The following KIF1B variants were observed in gnomAD, a reference collection of about 807,000 sequenced individuals.
KIF1B encodes the protein kinesin family member 1B.
KIF1B carries 76 observed loss-of-function variants against 241.9 expected under a neutral mutation model. The observed-to-expected ratio is 0.31, with a 90% CI of 0.26 to 0.38. The LOEUF is 0.38. Among genes scored for constraint, KIF1B ranks in the 10% least tolerant of loss-of-function variants. The probability of loss-of-function intolerance (pLI) is 1.00; values close to 1 mark genes in which losing one functional copy is unlikely to be tolerated. For synonymous variants in KIF1B, 750 were observed against 796.7 expected (o/e 0.94, Z 0.99); for missense variants, 1,622 against 2,271.4 (o/e 0.71, Z 5.81).
intron 22 of KIF1B, chr1:10,305,463 A>G: frequency 9.4e-7 from 1 of 1,059,620 alleles, no homozygotes; most frequent in Non-Finnish European, 1.1e-6. Context: ...CAGAAATACC[A>G]ACAAAAAACT....
intron 27 of KIF1B, among the ~76,000 whole-genome samples, chr1:10,330,675 A>C (rs989236077): frequency 3.3e-5 from 5 of 152,188 alleles, no homozygotes; most frequent in Admixed American, 3.3e-4. Context: ...CTTCTACTTA[A>C]AGATAAGAGG....
chr1:10,300,899 G>A (rs1210245793), intron 22 of KIF1B, among the ~76,000 whole-genome samples: 1 of 152,192 alleles, frequency 6.6e-6, no homozygotes, highest in Admixed American at 6.5e-5. Context: ...ATAGGTGGGA[G>A]TTATAAATGG....
rs1197079538 is a variant in KIF1B, at chr1:10,268,198, G to T, written c.655G>T (p.Ala219Ser). 2 of 1,613,988 alleles carry T rather than the reference G, an allele frequency of 1.2e-6. No individual in the cohort carries two copies. Among genetic ancestry groups the T allele is most frequent in the Non-Finnish European group, 8.5e-7 (1 of 1,179,928 alleles). The change falls in exon 7 of 49, where the codon GCT becomes TCT. Residue 219 changes from alanine (A) to serine (S), a missense_variant. By Grantham distance (99) the Ala-to-Ser change is moderately conservative. Transcript: ENST00000676179. ...NMNETSSRSH[A>S]VFTIVFTQKK... ...GAATGAAACAAGTAGCCGTTCCCACGCTGTGTTTACGATTGTTTTCACCCA... is the reference window on the plus strand; with the variant it reads ...GAATGAAACAAGTAGCCGTTCCCACTCTGTGTTTACGATTGTTTTCACCCA...
intron 7 of KIF1B, among the ~76,000 whole-genome samples, chr1:10,270,925 CA>C (rs34851583): frequency 0.16 from 14,552 of 91,070 alleles, 783 homozygotes; most frequent in South Asian, 0.24. Context: ...GACTCTGTCT[CA>C]AAAAAAAAAA....
chr1:10,240,396 T>C (rs868599716), intron 2 of KIF1B, among the ~76,000 whole-genome samples: 2 of 151,976 alleles, frequency 1.3e-5, no homozygotes, highest in African/African-American at 4.8e-5. Flanking sequence ...TTAGTAGAGG[T>C]GGGGTTTCAC....
chr1:10,360,843 C>A, intron 38 of KIF1B, 86 bp from the exon 39 acceptor site: 2 of 893,112 alleles, frequency 2.2e-6, no homozygotes, highest in Non-Finnish European at 3.8e-6. Context: ...GCGTATGGTT[C>A]TTTAGGATGA....
chr1:10,348,779 AT>A (rs35253111), intron 37 of KIF1B, 46 bp downstream of exon 37: 178,370 of 1,094,978 alleles, frequency 0.16, 12 homozygotes, highest in East Asian at 0.27. Context: ...ACTTACAGAG[AT>A]TTTTTTTTTT....
At chr1:10,352,527 C>A in intron 37 of KIF1B, 104 bp from the exon 38 acceptor site, 1 of 979,118 alleles carries the variant, frequency 1.0e-6, no homozygotes, top group Admixed American at 1.9e-5. Context: ...ACCCTTCCAG[C>A]TCCTGAACTT....
At chr1:10,276,902 G>A (rs1278580738) in intron 12 of KIF1B, among the ~76,000 whole-genome samples, 1 of 152,070 alleles carries the variant, frequency 6.6e-6, no homozygotes, top group Non-Finnish European at 1.5e-5. Flanking sequence ...CCAACATGAT[G>A]AAACCCCATC....
At position 10,232,338 on chromosome 1, in the gene KIF1B, G is replaced by A; in HGVS notation, c.10G>A (p.Ala4Thr). 6.2e-7 allele frequency: 1 copy of A among 1,611,968 alleles called. No homozygotes were observed. The highest frequency in any genetic ancestry group is 8.5e-7 in the Non-Finnish European group (1 of 1,178,172). Reference protein sequence around the residue: MSGASVKVAVRVRP... With the variant: MSGTSVKVAVRVRP... ...TAACAAGGCCATTAAAATGTCGGGA[G>A]CCTCAGTGAAGGTGGCTGTCCGGGT... is the stretch of plus-strand genomic sequence containing the variant. Residue 4 changes from alanine to threonine, a missense_variant, in exon 2 of 49, where the codon GCC (alanine) becomes ACC (threonine). This residue lies in a region of KIF1B where 156 missense variants were observed against 244.8 expected (regional missense o/e 0.64). Coordinates refer to ENST00000676179, the MANE Select transcript of KIF1B (RefSeq NM_001365951.3).
chr1:10,290,280 C>A (rs1251458062), intron 15 of KIF1B, among the ~76,000 whole-genome samples: 4 of 152,030 alleles, frequency 2.6e-5, no homozygotes, highest in Non-Finnish European at 5.9e-5. Flanking sequence ...GGGTTTTAAA[C>A]CCTGTATGCA....
At chr1:10,304,543 C>G (rs1557702097) in intron 22 of KIF1B, 4 of 1,614,038 alleles carry the variant, frequency 2.5e-6, no homozygotes, top group Non-Finnish European at 3.4e-6. Context: ...CTATCAGAAG[C>G]AGACTGACAA....
chr1:10,259,006 A>AT (rs1303948082), intron 4 of KIF1B, among the ~76,000 whole-genome samples: 6 of 151,784 alleles, frequency 4.0e-5, no homozygotes, highest in African/African-American at 9.7e-5. Flanking sequence ...TGTTGATCTG[A>AT]TTTTTTTTCA....
chr1:10,284,721 C>A (rs1340532244), intron 15 of KIF1B, among the ~76,000 whole-genome samples: 1 of 151,194 alleles, frequency 6.6e-6, no homozygotes, highest in East Asian at 2.0e-4. Flanking sequence ...AATTAGCCGG[C>A]CATGGTGACG....
intron 22 of KIF1B, among the ~76,000 whole-genome samples, chr1:10,297,477 A>G (rs1460228549): frequency 2.0e-5 from 3 of 152,176 alleles, no homozygotes; most frequent in Non-Finnish European, 4.4e-5. Flanking sequence ...CCAAATCTTA[A>G]CTTCTGTTAC....
In KIF1B at chr1:10,273,064, T is replaced by A. The variant is rs1648889488; in HGVS notation, c.882+33T>A. ...GGGGATTGGTAGAGATAAACTAGAATTGACTTTTATGTTTTAAATCCTCAC... is the reference window on the plus strand; with the variant it reads ...GGGGATTGGTAGAGATAAACTAGAAATGACTTTTATGTTTTAAATCCTCAC... On this transcript the variant is annotated intron_variant, in intron 10 of 48. Coordinates refer to ENST00000676179, the MANE Select transcript of KIF1B (RefSeq NM_001365951.3). The A allele has an allele frequency of 2.0e-6, 3 of 1,506,990 alleles. No homozygotes were observed. In the Admixed American group the frequency reaches 5.9e-5, roughly 30 times the overall value. The allele number at this position is 1,506,990 out of a possible 1,614,324, so 93.4% of individuals were successfully genotyped here.
chr1:10,261,910 T>C lies in KIF1B; in HGVS notation c.369T>C (p.Cys123=). Residue 123 remains cysteine, a synonymous_variant, in exon 5 of 49, where the codon TGT becomes TGC. Coordinates refer to ENST00000676179, the MANE Select transcript of KIF1B (RefSeq NM_001365951.3). The stretch of plus-strand genomic sequence containing the variant: ...CTCTCATTCTACTTCCCTAGTTATG[T>C]GAAGAACTTTTTGAGAAAATCAATG... ...ESQAGIIPQL[C]EELFEKINDN... The C allele has an allele frequency of 6.2e-7, 1 of 1,606,596 alleles. No individual in the cohort carries two copies. Among genetic ancestry groups the C allele is most frequent in the South Asian group, 1.1e-5 (1 of 90,944 alleles).
chr1:10,371,318 A>C, intron 45 of KIF1B, 56 bp downstream of exon 45: 1 of 1,599,684 alleles, frequency 6.3e-7, no homozygotes, highest in East Asian at 2.2e-5. Context: ...GTAAATGTCA[A>C]CCTTCCTCTA....
chr1:10,224,830 G>A (rs1646890349), intron 1 of KIF1B, among the ~76,000 whole-genome samples: 1 of 152,186 alleles, frequency 6.6e-6, no homozygotes, highest in East Asian at 1.9e-4. Context: ...GACCCATCCT[G>A]TGTTGTAGGG....
Sources: gnomAD v4.1 joint callset for allele counts (sites outside exome capture counted in the v4.1 genomes callset) on GRCh38, gnomAD v4.1.1 for gene constraint, gnomAD v4.1.1 regional missense constraint, MANE v1.5 for transcripts, NCBI Gene and HGNC (gene_info 2026-07-23, HGNC 2026-07-21) for gene names.